Variants in VPS50 observed in about 807,000 individuals in gnomAD.
The protein encoded by VPS50 is VPS50 subunit of EARP/GARPII complex, also known as syndetin.
A neutral mutation model predicts 139.7 loss-of-function variants in VPS50; 70 were observed. The ratio of observed to expected loss-of-function variants is 0.50; its 90% CI spans 0.41 to 0.61. The LOEUF is 0.61. VPS50 is among the 20% of genes least tolerant of loss of function. The probability of loss-of-function intolerance (pLI) is 0.00; values close to 1 mark genes in which losing one functional copy is unlikely to be tolerated. For missense variants in VPS50, 921 were observed against 1,133.7 expected (o/e 0.81, Z 2.69); for synonymous variants, 365 against 376.7 (o/e 0.97, Z 0.36).
intron 12 of VPS50, among the ~76,000 whole-genome samples, chr7:93,285,976 A>AT (rs944180594): frequency 1.3e-5 from 2 of 151,774 alleles, no homozygotes; most frequent in South Asian, 2.1e-4. Flanking sequence ...GAGTTTATGG[A>AT]TTTTTTTTAA....
At chr7:93,321,371 TAAGCCTCCTC>T (rs1372060566) in intron 20 of VPS50, among the ~76,000 whole-genome samples, 1 of 152,228 alleles carries the variant, frequency 6.6e-6, no homozygotes, top group Non-Finnish European at 1.5e-5. Flanking sequence ...AGGAGGCATA[TAAGCCTCCTC>T]AAGCCTCCAA....
At position 93,237,019 on chromosome 7, in the gene VPS50, CG is replaced by C. The variant is rs1340821377; in HGVS notation, c.34-2845del. Among the ~76,000 whole-genome samples, 6 of 129,274 alleles carry C rather than the reference CG, an allele frequency of 4.6e-5. No homozygotes were observed. In the East Asian group the frequency reaches 1.6e-3, roughly 34 times the overall value. The allele number at this position is 129,274 out of a possible 152,430, so 84.8% of individuals were successfully genotyped here. ...AGGCTGGAGTGCAGTGGAGCGATCTCGGCTCACTGCAAGCTCCGCCTCCCGG... is the reference window on the plus strand; with the variant it reads ...AGGCTGGAGTGCAGTGGAGCGATCTCGCTCACTGCAAGCTCCGCCTCCCGG... On this transcript the variant is annotated intron_variant, in intron 1 of 27. Transcript: ENST00000305866.
intron 9 of VPS50, among the ~76,000 whole-genome samples, chr7:93,259,971 G>T (rs939980156): frequency 6.6e-6 from 1 of 152,008 alleles, no homozygotes; most frequent in Non-Finnish European, 1.5e-5. Context: ...CCTTAACTTT[G>T]CCCAGCTTAT....
intron 1 of VPS50, among the ~76,000 whole-genome samples, chr7:93,237,170 A>ACC (rs1356526560): frequency 2.4e-4 from 36 of 150,554 alleles, no homozygotes; most frequent in Non-Finnish European, 3.8e-4. Flanking sequence ...GTTAGCCAGG[A>ACC]TAGTCTCCAT....
At chr7:93,265,995 T>TC (rs1415601034) in intron 9 of VPS50, among the ~76,000 whole-genome samples, 16 of 152,220 alleles carry the variant, frequency 1.1e-4, no homozygotes, top group Admixed American at 3.9e-4. Context: ...CATAGACACT[T>TC]CATGGTACTT....
rs370625863 is a variant in VPS50, at chr7:93,319,143, A to T, written c.1856-4468A>T. On this transcript the variant is annotated intron_variant, in intron 20 of 27. Coordinates refer to ENST00000305866, the MANE Select transcript of VPS50 (RefSeq NM_017667.4). ...TCTTTCTCATTCCTTTTTTTGGAAGATGCCAATATCCTATTCCTTTTCCTC... is the reference window on the plus strand; with the variant it reads ...TCTTTCTCATTCCTTTTTTTGGAAGTTGCCAATATCCTATTCCTTTTCCTC... Among the ~76,000 whole-genome samples the T allele has an allele frequency of 1.1e-4, 16 of 152,324 alleles. No homozygotes were observed. The East Asian group carries it at 2.9e-3, about 28-fold the overall frequency.
chr7:93,239,565 TA>T (rs1347705655), intron 1 of VPS50, among the ~76,000 whole-genome samples: 4 of 152,194 alleles, frequency 2.6e-5, no homozygotes, highest in Middle Eastern at 3.2e-3. Flanking sequence ...TGCTTTTTGT[TA>T]TGTAAGTTTC....
intron 23 of VPS50, among the ~76,000 whole-genome samples, chr7:93,343,073 A>T (rs140433757): frequency 0.017 from 2,541 of 151,824 alleles, 85 homozygotes; most frequent in African/African-American, 0.058. Context: ...GCAAAGAAGT[A>T]GAAAACTTTG....
Position 93,358,464 on chromosome 7 carries a change from A to G in VPS50, c.*28A>G. The G allele has an allele frequency of 6.2e-7, 1 of 1,601,488 alleles. No individual in the cohort carries two copies. The highest frequency in any genetic ancestry group is 2.2e-5 in the East Asian group (1 of 44,734). ...AACACAGCTCTCTTTCCTCAATGGC[A>G]TTGATCCTCACTCAACATATATGAC... On this transcript the variant is annotated 3_prime_UTR_variant, in exon 28 of 28. Transcript: ENST00000305866.
At chr7:93,242,511 A>G (rs746924344) in intron 2 of VPS50, among the ~76,000 whole-genome samples, 1 of 151,766 alleles carries the variant, frequency 6.6e-6, no homozygotes, top group Non-Finnish European at 1.5e-5. Context: ...GAAAATTCTC[A>G]CAGTATATTC....
At position 93,350,461 on chromosome 7, in the gene VPS50, A is replaced by G. The variant is rs541020048; in HGVS notation, c.2463+428A>G. Among the ~76,000 whole-genome samples the G allele has an allele frequency of 3.3e-5, 5 of 152,022 alleles. 1 individual carries two copies. Among genetic ancestry groups the G allele is most frequent in the East Asian group, 1.9e-4 (1 of 5,184 alleles). ...TCATACAAACACCTCTTTGGAGCCA[A>G]TGACCTGTGTTTATATGTTTCCTGG... is the stretch of plus-strand genomic sequence containing the variant. On this transcript the variant is annotated intron_variant, in intron 25 of 27. Transcript: ENST00000305866.
Position 93,341,486 on chromosome 7 carries a change from G to A in VPS50, c.2118G>A (p.Val706=), listed in dbSNP as rs1370122487. ...LTAAEERKEK[V]PSPHLSHLVV... is the part of the protein sequence containing the mutation. Reference sequence around the variant, plus strand: ...CAGCAGAAGAAAGAAAGGAGAAGGTGCCAAGTCCACACCTCAGTCACCTAG... The same window carrying A: ...CAGCAGAAGAAAGAAAGGAGAAGGTACCAAGTCCACACCTCAGTCACCTAG... Residue 706 remains valine, a synonymous_variant, in exon 23 of 28, where the codon GTG becomes GTA. Coordinates refer to ENST00000305866, the MANE Select transcript of VPS50 (RefSeq NM_017667.4). 3 of 1,612,526 alleles carry A rather than the reference G, an allele frequency of 1.9e-6. No homozygotes were observed. Among genetic ancestry groups the A allele is most frequent in the Non-Finnish European group, 2.5e-6 (3 of 1,178,976 alleles).
At chr7:93,329,437 G>A (rs1300387703) in intron 21 of VPS50, among the ~76,000 whole-genome samples, 1 of 151,876 alleles carries the variant, frequency 6.6e-6, no homozygotes, top group Admixed American at 6.6e-5. Flanking sequence ...AAGGAAAAAA[G>A]TCTCACAAAC....
chr7:93,314,615 A>G (rs2116998723), intron 20 of VPS50, among the ~76,000 whole-genome samples: 1 of 152,286 alleles, frequency 6.6e-6, no homozygotes, highest in Admixed American at 6.5e-5. Context: ...TAGATTACCG[A>G]AGTCCATGCT....
At chr7:93,239,816 A>G in intron 1 of VPS50, 50 bp from the exon 2 acceptor site, 11 of 1,077,448 alleles carry the variant, frequency 1.0e-5, no homozygotes, top group Non-Finnish European at 1.6e-5. Context: ...CTATCCTTTT[A>G]TAATTCTTCA....
At chr7:93,286,454 A>G (rs1796489622) in intron 12 of VPS50, among the ~76,000 whole-genome samples, 1 of 152,180 alleles carries the variant, frequency 6.6e-6, no homozygotes. Flanking sequence ...AAATAGGAAG[A>G]TACAAGTATC....
chr7:93,271,202 T>TTG lies in VPS50; in HGVS notation c.660-17_660-16insGT. The TTG allele has an allele frequency of 3.2e-6, 4 of 1,253,906 alleles. No individual in the cohort carries two copies. The highest frequency in any genetic ancestry group is 1.8e-5 in the African/African-American group (1 of 56,846). 77.7% of individuals were successfully genotyped at this position (1,253,906 alleles called of 1,614,324 possible). ...TGTCTCAGAAATAGAAAAAAACTGTTTTTTTTTTTTTTAATAGTGAACTGA... is the reference window on the plus strand; with the variant it reads ...TGTCTCAGAAATAGAAAAAAACTGTTTGTTTTTTTTTTTTAATAGTGAACTGA... On this transcript the variant is annotated splice_polypyrimidine_tract_variant and intron_variant, in intron 9 of 27. Transcript: ENST00000305866.
At chr7:93,310,985 GCTTA>G (rs1243281258) in intron 19 of VPS50, among the ~76,000 whole-genome samples, 177 bp from the exon 20 acceptor site, 3 of 151,708 alleles carry the variant, frequency 2.0e-5, no homozygotes, top group African/African-American at 4.8e-5. Flanking sequence ...TTATTTTTTT[GCTTA>G]CTTATTTCCC....
At chr7:93,257,825 G>A (rs1168016616) in intron 6 of VPS50, 1 of 241,806 alleles carries the variant, frequency 4.1e-6, no homozygotes. Context: ...AAGAAGGAAA[G>A]ACATAATACA....
Sources: gnomAD v4.1 joint callset for allele counts (sites outside exome capture counted in the v4.1 genomes callset) on GRCh38, gnomAD v4.1.1 for gene constraint, MANE v1.5 for transcripts, NCBI Gene and HGNC (gene_info 2026-07-23, HGNC 2026-07-21) for gene names.